Variants in MESP2 observed in about 807,000 individuals in gnomAD.
MESP2 encodes the protein mesoderm posterior protein 2.
In MESP2, 34 loss-of-function variants were observed where a neutral mutation model predicts 37.8. The observed-to-expected ratio is 0.90, with a 90% CI of 0.68 to 1.20. The LOEUF (loss-of-function observed/expected upper bound fraction) is 1.20, where lower values mean the gene tolerates loss of function less well. Ranked by LOEUF, MESP2 falls within the 50% of genes most tolerant of loss-of-function variation. MESP2 has a pLI of 0.00. For synonymous variants in MESP2, 303 were observed against 251.6 expected, an observed-to-expected ratio of 1.20 and a Z score of -1.93; for missense variants, 646 against 545.3, an observed-to-expected ratio of 1.18 and a Z score of -1.84.
Position 89,778,299 on chromosome 15 carries a change from G to A in MESP2, c.1159G>A (p.Asp387Asn). Residue 387 changes from aspartate to asparagine, a missense_variant, in exon 2 of 2, where the codon GAT becomes AAT. By Grantham distance (23) the Asp-to-Asn change is conservative (BLOSUM62 1). Coordinates refer to ENST00000341735, the MANE Select transcript of MESP2 (RefSeq NM_001039958.2). Reference sequence around the variant, plus strand: ...TGGCTGCCCTGAACTTTGGCAAGAAGATCTGGAGGGGGCCCGCCTGGGCAT... The same window carrying A: ...TGGCTGCCCTGAACTTTGGCAAGAAAATCTGGAGGGGGCCCGCCTGGGCAT... ...FSGCPELWQE[D>N]LEGARLGIFY The A allele has an allele frequency of 6.2e-7, 1 of 1,613,022 alleles. No homozygotes were observed. Among genetic ancestry groups the A allele is most frequent in the Non-Finnish European group, 8.5e-7 (1 of 1,180,004 alleles).
In MESP2 at chr15:89,776,704, G is replaced by T. The variant is rs1235998441; in HGVS notation, c.347G>T (p.Gly116Val). 5 of 1,562,484 alleles carry T rather than the reference G, an allele frequency of 3.2e-6. No individual in the cohort carries two copies. Among genetic ancestry groups the T allele is most frequent in the Non-Finnish European group, 4.3e-6 (5 of 1,160,558 alleles). ...CTGCCTCCCTCCTTGGCGCCGGCCG[G>T]CCAGAGCCTGACCAAGATCGAGACG... Reference protein sequence around the residue: ...RFLPPSLAPAGQSLTKIETLR... With the variant: ...RFLPPSLAPAVQSLTKIETLR... Residue 116 changes from glycine (G) to valine (V), a missense_variant, in exon 1 of 2, where the codon GGC becomes GTC. Gly to Val is a moderately radical substitution (Grantham distance 109, BLOSUM62 -3). Transcript: ENST00000341735.
rs1968380385 is a variant in MESP2, at chr15:89,777,061, G to A, written c.704G>A (p.Arg235His). 6.2e-7 allele frequency: 1 copy of A among 1,609,466 alleles called. No homozygotes were observed. The highest frequency in any genetic ancestry group is 8.5e-7 in the Non-Finnish European group (1 of 1,178,734). The change falls in exon 1 of 2, where the codon CGC (arginine) becomes CAC (histidine). Residue 235 changes from arginine (R) to histidine (H), a missense_variant. Coordinates refer to ENST00000341735, the MANE Select transcript of MESP2 (RefSeq NM_001039958.2). Reference protein sequence around the residue: ...ACPGAQAAPERLGRGVHDTDP... With the variant: ...ACPGAQAAPEHLGRGVHDTDP... ...CCCGGAGCCCAAGCCGCACCCGAGC[G>A]CCTGGGGAGGGGGGTCCACGACACG...
intron 1 of MESP2, among the ~76,000 whole-genome samples, chr15:89,777,632 T>A (rs986833874): frequency 6.6e-6 from 1 of 152,122 alleles, no homozygotes; most frequent in African/African-American, 2.4e-5. Flanking sequence ...GAGCTGGTGA[T>A]TTCAAGTTTT....
chr15:89,776,680 T>C lies in MESP2; in HGVS notation c.323T>C (p.Leu108Pro), dbSNP rs1968368191. Residue 108 changes from leucine to proline, a missense_variant, in exon 1 of 2, where the codon CTG (leucine) becomes CCG (proline). Physicochemically the swap from Leu to Pro is moderately conservative, Grantham distance 98. Coordinates refer to ENST00000341735, the MANE Select transcript of MESP2 (RefSeq NM_001039958.2). ...ARALHELRRF[L>P]PPSLAPAGQS... ...GCCCTGCACGAGTTGCGCCGCTTTC[T>C]GCCTCCCTCCTTGGCGCCGGCCGGC... 6.4e-7 allele frequency: 1 copy of C among 1,551,398 alleles called. No individual in the cohort carries two copies. The highest frequency in any genetic ancestry group is 8.7e-7 in the Non-Finnish European group (1 of 1,155,574).
Position 89,777,147 on chromosome 15 carries a change from G to C in MESP2, c.790G>C (p.Gly264Arg). The change falls in exon 1 of 2, where the codon GGG becomes CGG. Residue 264 changes from glycine to arginine, a missense_variant. Transcript: ENST00000341735. ...KIQSPPYSSQ[G>R]TTSDASLWTP... ...ACAGTCGCCCCCGTATTCGTCCCAA[G>C]GGACAACCTCCGACGCGTCTCTTTG... is the stretch of plus-strand genomic sequence containing the variant. 6.2e-7 allele frequency: 1 copy of C among 1,613,002 alleles called. No individual in the cohort carries two copies. Among genetic ancestry groups the C allele is most frequent in the Non-Finnish European group, 8.5e-7 (1 of 1,180,008 alleles).
In MESP2 at chr15:89,778,556, C is replaced by T. The variant is rs1968400421; in HGVS notation, c.*222C>T. ...CCACTGCTAGACACCCCCAGAATGC[C>T]TGGCGCTCTGCAGAGCACAGTCTGA... On this transcript the variant is annotated 3_prime_UTR_variant, in exon 2 of 2. Transcript: ENST00000341735. The T allele has an allele frequency of 1.6e-6, 1 of 617,684 alleles. No homozygotes were observed. Among genetic ancestry groups the T allele is most frequent in the Non-Finnish European group, 2.8e-6 (1 of 351,586 alleles). The allele number at this position is 617,684 out of a possible 1,614,324, so 38.3% of individuals were successfully genotyped here. A position where few individuals can be genotyped will look rare whatever the true frequency, so the allele number is the denominator to read the frequency against.
In MESP2 at chr15:89,777,265, T is replaced by C. The variant is rs185706635; in HGVS notation, c.908T>C (p.Leu303Pro). 1.6e-3 allele frequency: 2,546 copies of C among 1,611,070 alleles called. 54 individuals carry two copies. The East Asian group carries it at 0.035, about 22-fold the overall frequency. ...PWTAAPATLE[L>P]AAVYQGLSVS... ...ACGGCGGCCCCAGCAACTTTGGAGC[T>C]GGCCGCAGTGTACCAGGTATGTGTG... Residue 303 changes from leucine to proline, a missense_variant, in exon 1 of 2, where the codon CTG becomes CCG. Transcript: ENST00000341735.
In MESP2 at chr15:89,778,408, G is replaced by T. The variant is rs1188282324; in HGVS notation, c.*74G>T. On this transcript the variant is annotated 3_prime_UTR_variant, in exon 2 of 2. Transcript: ENST00000341735. ...GGTGCCTCCTTATTTGTTAATTAGT[G>T]GCTTTTCATGTTCTCCTTTAGCCAA... is the stretch of plus-strand genomic sequence containing the variant. 7 of 1,566,698 alleles carry T rather than the reference G, an allele frequency of 4.5e-6. No homozygotes were observed. The highest frequency in any genetic ancestry group is 5.3e-6 in the Non-Finnish European group (6 of 1,141,894).
rs756116758 is a variant in MESP2, at chr15:89,776,645, G to A, written c.288G>A (p.Thr96=). The change falls in exon 1 of 2, where the codon ACG becomes ACA. Residue 96 remains threonine, a synonymous_variant. Coordinates refer to ENST00000341735, the MANE Select transcript of MESP2 (RefSeq NM_001039958.2). ...AGCGGGAGAAACTGCGCATGCGCAC[G>A]CTGGCCCGCGCCCTGCACGAGTTGC... ...ASEREKLRMR[T]LARALHELRR... is the part of the protein sequence containing the mutation. 10 of 1,525,168 alleles carry A rather than the reference G, an allele frequency of 6.6e-6. No individual in the cohort carries two copies. Among genetic ancestry groups the A allele is most frequent in the South Asian group, 2.5e-5 (2 of 81,222 alleles). 94.5% of individuals were successfully genotyped at this position (1,525,168 alleles called of 1,614,324 possible).
rs1434293542 is a variant in MESP2, at chr15:89,777,240, A to G, written c.883A>G (p.Thr295Ala). The change falls in exon 1 of 2, where the codon ACG (threonine) becomes GCG (alanine). Residue 295 changes from threonine (T) to alanine (A), a missense_variant. By Grantham distance (58) the Thr-to-Ala change is moderately conservative. Coordinates refer to ENST00000341735, the MANE Select transcript of MESP2 (RefSeq NM_001039958.2). Reference protein sequence around the residue: ...PEPRNPPVPWTAAPATLELAA... With the variant: ...PEPRNPPVPWAAAPATLELAA... The stretch of plus-strand genomic sequence containing the variant: ...GCCCCGGAACCCACCAGTGCCCTGG[A>G]CGGCGGCCCCAGCAACTTTGGAGCT... 2 of 1,611,574 alleles carry G rather than the reference A, an allele frequency of 1.2e-6. No individual in the cohort carries two copies. Among genetic ancestry groups the G allele is most frequent in the African/African-American group, 1.3e-5 (1 of 74,924 alleles).
At position 89,776,735 on chromosome 15, in the gene MESP2, C is replaced by A; in HGVS notation, c.378C>A (p.Arg126=). 1 of 1,554,322 alleles carries A rather than the reference C, an allele frequency of 6.4e-7. No homozygotes were observed. ...GCCTGACCAAGATCGAGACGCTGCG[C>A]CTGGCCATCCGCTACATCGGCCACC... ...GQSLTKIETL[R]LAIRYIGHLS... Residue 126 remains arginine (R), a synonymous_variant, in exon 1 of 2, where the codon CGC becomes CGA. Coordinates refer to ENST00000341735, the MANE Select transcript of MESP2 (RefSeq NM_001039958.2).
chr15:89,777,271 C>T lies in MESP2; in HGVS notation c.914C>T (p.Ala305Val), dbSNP rs1968384686. 1 of 1,610,816 alleles carries T rather than the reference C, an allele frequency of 6.2e-7. No individual in the cohort carries two copies. Among genetic ancestry groups the T allele is most frequent in the South Asian group, 1.1e-5 (1 of 90,710 alleles). ...GCCCCAGCAACTTTGGAGCTGGCCG[C>T]AGTGTACCAGGTATGTGTGGAGGCC... is the stretch of plus-strand genomic sequence containing the variant. The part of the protein sequence containing the change: ...TAAPATLELA[A>V]VYQGLSVSPE... The change falls in exon 1 of 2, where the codon GCA becomes GTA. Residue 305 changes from alanine to valine, a missense_variant. Coordinates refer to ENST00000341735, the MANE Select transcript of MESP2 (RefSeq NM_001039958.2).
In MESP2 at chr15:89,776,742, A is replaced by G. The variant is rs113994157; in HGVS notation, c.385A>G (p.Ile129Val). 1 of 1,549,956 alleles carries G rather than the reference A, an allele frequency of 6.5e-7. No homozygotes were observed. Among genetic ancestry groups the G allele is most frequent in the Admixed American group, 2.0e-5 (1 of 51,014 alleles). ...LTKIETLRLA[I>V]RYIGHLSAVL... is the part of the protein sequence containing the mutation. Reference sequence around the variant, plus strand: ...CAAGATCGAGACGCTGCGCCTGGCCATCCGCTACATCGGCCACCTATCGGC... The same window carrying G: ...CAAGATCGAGACGCTGCGCCTGGCCGTCCGCTACATCGGCCACCTATCGGC... Residue 129 changes from isoleucine (I) to valine (V), a missense_variant, in exon 1 of 2, where the codon ATC becomes GTC. By Grantham distance (29) the Ile-to-Val change is conservative. Coordinates refer to ENST00000341735, the MANE Select transcript of MESP2 (RefSeq NM_001039958.2).
In MESP2 at chr15:89,778,457, C is replaced by A. The variant is rs556469683; in HGVS notation, c.*123C>A. ...AAGGCTCCCTTTTTCCAAGTGATGT[C>A]TTTCAGGGAAGCAGTGTTTGAAATA... On this transcript the variant is annotated 3_prime_UTR_variant, in exon 2 of 2. Transcript: ENST00000341735. The A allele has an allele frequency of 7.8e-7, 1 of 1,285,452 alleles. No individual in the cohort carries two copies. Among genetic ancestry groups the A allele is most frequent in the Non-Finnish European group, 1.1e-6 (1 of 905,290 alleles). 79.6% of individuals were successfully genotyped at this position (1,285,452 alleles called of 1,614,324 possible).
chr15:89,777,954 C>T, intron 1 of MESP2, 111 bp from the exon 2 acceptor site: 5 of 1,493,118 alleles, frequency 3.3e-6, no homozygotes, highest in Non-Finnish European at 4.6e-6. Flanking sequence ...GCATTCATGG[C>T]ACCAGGGCTG....
rs200678001 is a variant in MESP2, at chr15:89,778,293, C to A, written c.1153C>A (p.Gln385Lys). 8.7e-6 allele frequency: 14 copies of A among 1,612,892 alleles called. No homozygotes were observed. The African/African-American group carries it at 1.1e-4, about 12-fold the overall frequency. Residue 385 changes from glutamine (Q) to lysine (K), a missense_variant, in exon 2 of 2, where the codon CAA (glutamine) becomes AAA (lysine). Transcript: ENST00000341735. ...LRFSGCPELWQEDLEGARLGI... is the reference protein window; with the variant it reads ...LRFSGCPELWKEDLEGARLGI... ...GTTCAGTGGCTGCCCTGAACTTTGG[C>A]AAGAAGATCTGGAGGGGGCCCGCCT...
At position 89,776,573 on chromosome 15, in the gene MESP2, A is replaced by G. The variant is rs1466115271; in HGVS notation, c.216A>G (p.Arg72=). 6 of 1,531,374 alleles carry G rather than the reference A, an allele frequency of 3.9e-6. No homozygotes were observed. Among genetic ancestry groups the G allele is most frequent in the Admixed American group, 2.0e-5 (1 of 50,870 alleles). The allele number at this position is 1,531,374 out of a possible 1,614,324, so 94.9% of individuals were successfully genotyped here. The change falls in exon 1 of 2, where the codon AGA becomes AGG. Residue 72 remains arginine (R), a synonymous_variant. Transcript: ENST00000341735. ...RAAEAAATTP[R]RARTGPAGGQ... is the part of the protein sequence containing the mutation. The stretch of plus-strand genomic sequence containing the variant: ...CAGAGGCAGCCGCGACGACGCCCAG[A>G]CGAGCGCGCACCGGACCAGCGGGCG...
At chr15:89,777,349 C>G (rs1300358569) in intron 1 of MESP2, 68 bp downstream of exon 1, 3 of 1,477,830 alleles carry the variant, frequency 2.0e-6, no homozygotes, top group African/African-American at 2.8e-5. Context: ...CTTTTTCGAT[C>G]CCAGCTTATC....
Position 89,776,897 on chromosome 15 carries a change from GGGGC to G in MESP2, c.541_544del (p.Gly181LysfsTer299). 4.3e-6 allele frequency: 2 copies of G among 467,994 alleles called. No homozygotes were observed. Among genetic ancestry groups the G allele is most frequent in the Non-Finnish European group, 5.7e-6 (2 of 352,038 alleles). 29.0% of individuals were successfully genotyped at this position (467,994 alleles called of 1,614,324 possible). A position where few individuals can be genotyped will look rare whatever the true frequency, so the allele number is the denominator to read the frequency against. ...AGGCGCAGACGCAGGCGGAGGGGCA[GGGGC>G]AAGGGCAGGGGCAGGGGCAGGGGCA... is the stretch of plus-strand genomic sequence containing the variant. On this transcript the variant is annotated frameshift_variant, in exon 1 of 2. Coordinates refer to ENST00000341735, the MANE Select transcript of MESP2 (RefSeq NM_001039958.2). LOFTEE classifies it high-confidence loss of function.
Sources: allele counts gnomAD v4.1 joint callset (sites outside exome capture counted in the v4.1 genomes callset), GRCh38; gene constraint gnomAD v4.1.1; transcripts MANE v1.5; gene names NCBI Gene and HGNC (gene_info 2026-07-23, HGNC 2026-07-21).